Variants in EFCAB8 observed in about 807,000 individuals in gnomAD.
The protein encoded by EFCAB8 is EF-hand calcium binding domain 8, also known as EF-hand calcium-binding domain-containing protein 8.
In EFCAB8, 100 loss-of-function variants were observed where a neutral mutation model predicts 116.3. The observed-to-expected ratio is 0.86, with a 90% confidence interval of 0.73 to 1.02. The LOEUF (loss-of-function observed/expected upper bound fraction) is 1.02. Ranked by LOEUF, EFCAB8 falls within the 50% of genes least tolerant of loss-of-function variation. EFCAB8 has a pLI of 0.00. For synonymous variants in EFCAB8, 558 were observed against 567.9 expected (o/e 0.98, Z 0.25); for missense variants, 1,320 against 1,416.9 (o/e 0.93, Z 1.10).
At chr20:32,878,960 A>ACCTCACAGCC (rs1985162080) in intron 5 of EFCAB8, 153 bp downstream of exon 5, 1 of 657,234 alleles carries the variant, frequency 1.5e-6, no homozygotes, top group Non-Finnish European at 2.7e-6. Flanking sequence ...GCTCATTTCA[A>ACCTCACAGCC]CCTCACAGCC....
At chr20:32,919,290 C>T (rs190320518) in intron 19 of EFCAB8, among the ~76,000 whole-genome samples, 1 of 152,158 alleles carries the variant, frequency 6.6e-6, no homozygotes, top group Admixed American at 6.5e-5. Context: ...TGAGAAACAC[C>T]ACCGTCCCCA....
chr20:32,878,927 A>G, intron 5 of EFCAB8, 120 bp downstream of exon 5: 2 of 799,768 alleles, frequency 2.5e-6, no homozygotes, highest in Non-Finnish European at 2.1e-6. Context: ...GGCTGGCATC[A>G]GCCTGCTGCC....
At chr20:32,900,653 G>A (rs1462016548) in intron 11 of EFCAB8, among the ~76,000 whole-genome samples, 5 of 152,104 alleles carry the variant, frequency 3.3e-5, no homozygotes, top group Non-Finnish European at 5.9e-5. Flanking sequence ...TGCAACCTCC[G>A]CCTCTCGGGT....
At chr20:32,897,439 CT>C (rs10693739) in intron 10 of EFCAB8, among the ~76,000 whole-genome samples, 2,559 of 136,092 alleles carry the variant, frequency 0.019, 152 homozygotes, top group East Asian at 0.15. Flanking sequence ...CCTGCACTGA[CT>C]TTTTTTTTTT....
Position 32,911,637 on chromosome 20 carries a change from G to C in EFCAB8, c.1715G>C (p.Gly572Ala). 1 of 1,551,756 alleles carries C rather than the reference G, an allele frequency of 6.4e-7. No individual in the cohort carries two copies. The highest frequency in any genetic ancestry group is 8.7e-7 in the Non-Finnish European group (1 of 1,147,014). The change falls in exon 16 of 27, where the codon GGC (glycine) becomes GCC (alanine). Residue 572 changes from glycine to alanine, a missense_variant. Gly to Ala is a moderately conservative substitution (Grantham distance 60). Transcript: ENST00000400522. ...ERCLLTGLRD[G>A]TMKMWNYNIG... is the part of the protein sequence containing the mutation. ...TGCCTGCTCACAGGTTTGCGGGATG[G>C]CACAATGAAGATGTGGAACTACAAC...
chr20:32,961,030 A>G (rs1989132523), intron 26 of EFCAB8, 106 bp from the exon 27 acceptor site: 1 of 968,036 alleles, frequency 1.0e-6, no homozygotes, highest in Non-Finnish European at 1.6e-6. Flanking sequence ...CCTTCTTGGC[A>G]TGGGAAGACC....
Position 32,960,817 on chromosome 20 carries a change from A to G in EFCAB8, c.3394-319A>G, listed in dbSNP as rs962749393. Among the ~76,000 whole-genome samples, 8 of 152,274 alleles carry G rather than the reference A, an allele frequency of 5.3e-5. No individual in the cohort carries two copies. In the East Asian group the frequency reaches 7.7e-4, roughly 15 times the overall value. On this transcript the variant is annotated intron_variant, in intron 26 of 26. Coordinates refer to ENST00000400522, the MANE Select transcript of EFCAB8 (RefSeq NM_001143967.2). ...TGGTGTGAGATGGATTGCTCCAAGG[A>G]GCTCTTTGCACCTGGGCCTCACCCA...
chr20:32,916,970 C>T, intron 17 of EFCAB8: 1 of 249,674 alleles, frequency 4.0e-6, no homozygotes, highest in Non-Finnish European at 7.8e-6. Flanking sequence ...TGTTCAAGGT[C>T]CCTTTCTTTT....
intron 23 of EFCAB8, among the ~76,000 whole-genome samples, chr20:32,950,663 C>T (rs752660366): frequency 6.6e-6 from 1 of 152,150 alleles, no homozygotes; most frequent in Admixed American, 6.5e-5. Flanking sequence ...GGCAAATCCC[C>T]CGGGTTGCTT....
chr20:32,932,748 G>T (rs1987955629), intron 22 of EFCAB8, among the ~76,000 whole-genome samples: 1 of 152,246 alleles, frequency 6.6e-6, no homozygotes, highest in Non-Finnish European at 1.5e-5. Context: ...AAAGTGAATA[G>T]TGAATGTTAT....
chr20:32,905,977 T>G (rs1367169479), intron 11 of EFCAB8, among the ~76,000 whole-genome samples: 2 of 152,020 alleles, frequency 1.3e-5, no homozygotes, highest in Non-Finnish European at 2.9e-5. Context: ...TGTGTGACCT[T>G]GGGGAAGCTC....
intron 4 of EFCAB8, among the ~76,000 whole-genome samples, chr20:32,877,207 C>CTTTTTTTTTTTTTTTTTTTTTTTTTTTT (rs757130907): frequency 3.5e-5 from 4 of 115,048 alleles, no homozygotes; most frequent in Non-Finnish European, 7.2e-5. Context: ...TTATTTCTTT[C>CTTTTTTTTTTTTTTTTTTTTTTTTTTTT]TTTTTTTTTT....
intron 5 of EFCAB8, among the ~76,000 whole-genome samples, chr20:32,884,101 CA>C (rs1187778633): frequency 6.6e-6 from 1 of 152,190 alleles, no homozygotes; most frequent in Non-Finnish European, 1.5e-5. Context: ...AACAGAATGT[CA>C]AGAGGCTTGT....
chr20:32,871,870 TA>T (rs1188021793), intron 3 of EFCAB8, among the ~76,000 whole-genome samples: 1 of 152,156 alleles, frequency 6.6e-6, no homozygotes, highest in Non-Finnish European at 1.5e-5. Context: ...CAGTGGTTCT[TA>T]AAGAGGAAAG....
At chr20:32,902,434 T>C (rs975183276) in intron 11 of EFCAB8, among the ~76,000 whole-genome samples, 9 of 152,072 alleles carry the variant, frequency 5.9e-5, no homozygotes, top group Non-Finnish European at 1.2e-4. Context: ...AGCAAGACCC[T>C]GTCTTCAAAA....
intron 22 of EFCAB8, among the ~76,000 whole-genome samples, chr20:32,935,308 C>T (rs1239020533): frequency 6.9e-6 from 1 of 145,210 alleles, no homozygotes; most frequent in Non-Finnish European, 1.5e-5. Context: ...TCAAGCAATT[C>T]TCCCGCCTCA....
chr20:32,869,983 C>T (rs1252410662), intron 3 of EFCAB8, among the ~76,000 whole-genome samples: 1 of 152,054 alleles, frequency 6.6e-6, no homozygotes, highest in African/African-American at 2.4e-5. Context: ...TTGATTTTTC[C>T]CCCTGAGATA....
At chr20:32,899,907 T>C (rs1265321875) in intron 11 of EFCAB8, among the ~76,000 whole-genome samples, 2 of 152,154 alleles carry the variant, frequency 1.3e-5, no homozygotes, top group South Asian at 2.1e-4. Context: ...GCTTCTACTG[T>C]GCCGTTTACT....
chr20:32,955,787 G>A (rs1435052178), intron 23 of EFCAB8, among the ~76,000 whole-genome samples: 1 of 152,100 alleles, frequency 6.6e-6, no homozygotes, highest in Non-Finnish European at 1.5e-5. Flanking sequence ...ATGTGCAAAT[G>A]CTGCCTGCCC....
Sources: allele counts gnomAD v4.1 joint callset (sites outside exome capture counted in the v4.1 genomes callset), GRCh38; gene constraint gnomAD v4.1.1; transcripts MANE v1.5; gene names NCBI Gene and HGNC (gene_info 2026-07-23, HGNC 2026-07-21).